The following COL4A4 variants were observed in gnomAD, a reference collection of about 807,000 sequenced individuals.
COL4A4 encodes collagen type IV alpha 4 chain, also known as collagen alpha-4(IV) chain.
Under a neutral mutation model 192.9 loss-of-function variants are expected in COL4A4, and 105 were observed. That is an observed-to-expected ratio of 0.54 (90% CI 0.46 to 0.64). The LOEUF is 0.64. Among genes scored for constraint, COL4A4 ranks in the 30% least tolerant of loss-of-function variants. The pLI, the probability that COL4A4 is intolerant of heterozygous loss-of-function variation, is 0.00. For missense variants in COL4A4, 1,967 were observed against 2,169.3 expected, an observed-to-expected ratio of 0.91 and a Z score of 1.85; for synonymous variants, 762 against 769.9, an observed-to-expected ratio of 0.99 and a Z score of 0.17.
the COL4A4 span, among the ~76,000 whole-genome samples, chr2:226,987,010 A>G: frequency 2.0e-5 from 3 of 152,246 alleles, no homozygotes; most frequent in Non-Finnish European, 2.9e-5. Flanking sequence ...AAAAAGAATG[A>G]GTTCATGTCC....
chr2:227,041,175 G>A (rs1970740918), intron 37 of COL4A4, among the ~76,000 whole-genome samples: 1 of 151,922 alleles, frequency 6.6e-6, no homozygotes, highest in Non-Finnish European at 1.5e-5. Context: ...TATTATTAAT[G>A]TCTTTCTCTC....
intron 28 of COL4A4, among the ~76,000 whole-genome samples, chr2:227,058,803 G>A (rs1976155263): frequency 6.6e-6 from 1 of 152,140 alleles, no homozygotes; most frequent in Non-Finnish European, 1.5e-5. Context: ...TTATTTTTAA[G>A]TACATTAAAA....
chr2:227,143,771 C>A (rs2063373885), intron 3 of COL4A4, among the ~76,000 whole-genome samples: 2 of 152,204 alleles, frequency 1.3e-5, no homozygotes, highest in Admixed American at 1.3e-4. Context: ...CAAGTCTTAT[C>A]ATCCCTACTC....
chr2:226,986,763 A>G, the COL4A4 span, among the ~76,000 whole-genome samples: 1 of 152,220 alleles, frequency 6.6e-6, no homozygotes, highest in South Asian at 2.1e-4. Context: ...ATTGTGGAAG[A>G]TAGTGTGGCG....
At position 227,056,013 on chromosome 2, in the gene COL4A4, G is replaced by A. The variant is rs866023922; in HGVS notation, c.2648C>T (p.Pro883Leu). ...GLPGRPGAHG[P>L]PGLPGIPGPF... ...ACCTGGGATTCCTGGGAGGCCTGGG[G>A]GACCATGTGCCCCAGGCCGTCCTGG... Residue 883 changes from proline (P) to leucine (L), a missense_variant, in exon 30 of 48, where the codon CCC becomes CTC. Transcript: ENST00000396625. 4 of 1,613,798 alleles carry A rather than the reference G, an allele frequency of 2.5e-6. No individual in the cohort carries two copies. Among genetic ancestry groups the A allele is most frequent in the Admixed American group, 3.3e-5 (2 of 59,988 alleles).
intron 43 of COL4A4, among the ~76,000 whole-genome samples, chr2:227,024,058 AGTGACACTTCTGTG>A (rs1278440935): frequency 1.3e-5 from 2 of 152,060 alleles, no homozygotes. Flanking sequence ...CAGGCAAATA[AGTGACACTTCTGTG>A]GTGACACAGC....
chr2:227,117,486 A>T (rs1406543501), intron 7 of COL4A4, among the ~76,000 whole-genome samples: 3 of 152,218 alleles, frequency 2.0e-5, no homozygotes, highest in Admixed American at 2.0e-4. Context: ...AGTATGGAAA[A>T]TTCTTTTTGA....
rs1484252868 is a variant in COL4A4, at chr2:227,057,492, C to G, written c.2492G>C (p.Gly831Ala). ...PGPPGHSCERGAPGIPGQPGL... is the reference protein window; with the variant it reads ...PGPPGHSCERAAPGIPGQPGL... Reference sequence around the variant, plus strand: ...CGGTTGCCCTGGTATCCCTGGAGCACCTCTTTCACAGGAATGGCCAGGTGG... The same window carrying G: ...CGGTTGCCCTGGTATCCCTGGAGCAGCTCTTTCACAGGAATGGCCAGGTGG... The change falls in exon 29 of 48, where the codon GGT becomes GCT. Residue 831 changes from glycine to alanine, a missense_variant. Physicochemically the swap from Gly to Ala is moderately conservative, Grantham distance 60. Transcript: ENST00000396625. 1 of 1,612,808 alleles carries G rather than the reference C, an allele frequency of 6.2e-7. No individual in the cohort carries two copies. The highest frequency in any genetic ancestry group is 8.5e-7 in the Non-Finnish European group (1 of 1,179,614).
At chr2:227,041,828 G>GA (rs763274292) in intron 37 of COL4A4, among the ~76,000 whole-genome samples, 1 of 51,892 alleles carries the variant, frequency 1.9e-5, no homozygotes, top group East Asian at 5.1e-4. Flanking sequence ...AAGAAAGAAA[G>GA]AAAGAAAGAA....
chr2:227,148,114 C>T (rs2063669463), intron 1 of COL4A4, among the ~76,000 whole-genome samples: 1 of 152,056 alleles, frequency 6.6e-6, no homozygotes, highest in South Asian at 2.1e-4. Flanking sequence ...AAAAGTTAAA[C>T]ATAGAGTTAC....
intron 4 of COL4A4, among the ~76,000 whole-genome samples, chr2:227,135,031 G>C (rs1219606869): frequency 2.0e-5 from 3 of 152,166 alleles, no homozygotes; most frequent in African/African-American, 7.2e-5. Flanking sequence ...TAAACACAGA[G>C]AGCTTCCTCC....
intron 29 of COL4A4, among the ~76,000 whole-genome samples, chr2:227,057,127 AT>A (rs1975575286): frequency 6.6e-6 from 1 of 152,182 alleles, no homozygotes; most frequent in African/African-American, 2.4e-5. Flanking sequence ...GATAAATGAT[AT>A]AGCACTTTCC....
At chr2:227,102,919 G>A (rs998986942) in intron 14 of COL4A4, 71 bp from the exon 15 acceptor site, 1 of 1,134,370 alleles carries the variant, frequency 8.8e-7, no homozygotes. Flanking sequence ...CAATATTTCA[G>A]CAATAGGGAA....
intron 4 of COL4A4, among the ~76,000 whole-genome samples, chr2:227,126,959 G>A (rs1005235411): frequency 6.6e-6 from 1 of 152,112 alleles, no homozygotes; most frequent in Admixed American, 6.5e-5. Flanking sequence ...GCCCATAAAA[G>A]ACATTTTTAT....
chr2:227,136,521 TGTGAGCCTCCAGCAGTACA>T lies in COL4A4; in HGVS notation c.192+3621_192+3639del, dbSNP rs2062823900. ...ATGAAAACTCATGCTGGGGCTAGAC[TGTGAGCCTCCAGCAGTACA>T]GTGATGGGGCTGGACTTCATTCTGT... On this transcript the variant is annotated intron_variant, in intron 4 of 47. Transcript: ENST00000396625. 2.0e-5 allele frequency among the ~76,000 whole-genome samples: 3 copies of T among 152,186 alleles called. 1 individual carries two copies. In the South Asian group the frequency reaches 6.2e-4, roughly 32 times the overall value.
At chr2:227,141,515 T>C (rs1406321754) in intron 3 of COL4A4, among the ~76,000 whole-genome samples, 4 of 152,216 alleles carry the variant, frequency 2.6e-5, no homozygotes, top group Admixed American at 1.3e-4. Flanking sequence ...AATCAGCATA[T>C]ATTATTTTTC....
chr2:227,047,323 G>A (rs1973098608), intron 35 of COL4A4, 152 bp downstream of exon 35: 1 of 669,132 alleles, frequency 1.5e-6, no homozygotes, highest in Non-Finnish European at 2.7e-6. Context: ...GAAATGCTAT[G>A]GAAGTGTTTA....
intron 44 of COL4A4, among the ~76,000 whole-genome samples, chr2:227,013,890 G>A (rs1349330975): frequency 1.3e-5 from 2 of 152,000 alleles, no homozygotes; most frequent in Non-Finnish European, 2.9e-5. Flanking sequence ...TGAGGGACCA[G>A]CCTTGCCTGA....
intron 20 of COL4A4, among the ~76,000 whole-genome samples, 197 bp downstream of exon 20, chr2:227,093,928 T>C (rs2060071946): frequency 6.6e-6 from 1 of 152,180 alleles, no homozygotes; most frequent in Non-Finnish European, 1.5e-5. Context: ...ACACTGAAAC[T>C]CCTAACCAAA....
Sources: gnomAD v4.1 joint callset for allele counts (sites outside exome capture counted in the v4.1 genomes callset) on GRCh38, gnomAD v4.1.1 for gene constraint, MANE v1.5 for transcripts, NCBI Gene and HGNC (gene_info 2026-07-23, HGNC 2026-07-21) for gene names.